The following IL1RL2 variants were observed in gnomAD, a reference collection of about 807,000 sequenced individuals.
IL1RL2 encodes the protein interleukin-1 receptor-like 2.
Under a neutral mutation model 66.8 loss-of-function variants are expected in IL1RL2, and 68 were observed. The ratio of observed to expected loss-of-function variants is 1.02; its 90% confidence interval spans 0.84 to 1.25. The LOEUF is 1.25. Ranked by LOEUF, IL1RL2 falls within the 50% of genes most tolerant of loss-of-function variation. IL1RL2 has a pLI of 0.00. For missense variants in IL1RL2, 729 were observed against 709.3 expected, an observed-to-expected ratio of 1.03 and a Z score of -0.32; for synonymous variants, 305 against 264.6, an observed-to-expected ratio of 1.15 and a Z score of -1.48.
intron 4 of IL1RL2, among the ~76,000 whole-genome samples, chr2:102,193,030 T>C (rs1168249043): frequency 6.6e-6 from 1 of 152,150 alleles, no homozygotes; most frequent in Non-Finnish European, 1.5e-5. Context: ...CCTTCAGTCA[T>C]TATTCATTCT....
intron 5 of IL1RL2, among the ~76,000 whole-genome samples, chr2:102,206,800 G>C (rs747907699): frequency 2.4e-4 from 36 of 152,254 alleles, no homozygotes; most frequent in Non-Finnish European, 4.4e-4. Context: ...AGCCAGGCCT[G>C]TGTCCCTCCC....
At chr2:102,192,488 C>T (rs1039910250) in intron 4 of IL1RL2, among the ~76,000 whole-genome samples, 2 of 152,086 alleles carry the variant, frequency 1.3e-5, no homozygotes, top group African/African-American at 2.4e-5. Context: ...TTCCTGCTAC[C>T]GTTCCATATT....
At chr2:102,232,303 G>A (rs933801301) in intron 9 of IL1RL2, among the ~76,000 whole-genome samples, 3 of 151,974 alleles carry the variant, frequency 2.0e-5, no homozygotes, top group Non-Finnish European at 4.4e-5. Flanking sequence ...AGTAGTGACA[G>A]GGTTTCACCA....
chr2:102,226,827 G>A (rs1029704541), intron 9 of IL1RL2, among the ~76,000 whole-genome samples: 1 of 152,228 alleles, frequency 6.6e-6, no homozygotes, highest in African/African-American at 2.4e-5. Context: ...GAAAGGGACA[G>A]TGATTAAATC....
intron 6 of IL1RL2, 70 bp from the exon 7 acceptor site, chr2:102,218,883 A>G: frequency 7.3e-7 from 1 of 1,378,354 alleles, no homozygotes; most frequent in Non-Finnish European, 1.0e-6. Flanking sequence ...TGCACTTGTA[A>G]TCCAGATGTT....
In IL1RL2 at chr2:102,235,248, T is replaced by G; in HGVS notation, c.1649T>G (p.Leu550Arg). 1 of 1,613,686 alleles carries G rather than the reference T, an allele frequency of 6.2e-7. No individual in the cohort carries two copies. The highest frequency in any genetic ancestry group is 2.2e-5 in the East Asian group (1 of 44,862). ...CGGCCGTTTCCTCCGGTCCAGCTGC[T>G]GCAGCACACACCTTGCTACCGCACC... ...RCRPFPPVQL[L>R]QHTPCYRTAG... The change falls in exon 11 of 12, where the codon CTG becomes CGG. Residue 550 changes from leucine (L) to arginine (R), a missense_variant. By Grantham distance (102) the Leu-to-Arg change is moderately radical. Transcript: ENST00000264257.
intron 9 of IL1RL2, 64 bp from the exon 10 acceptor site, chr2:102,232,899 C>T (rs987065270): frequency 2.4e-4 from 368 of 1,557,176 alleles, no homozygotes; most frequent in Middle Eastern, 8.6e-4. Flanking sequence ...CTCAGGCTTC[C>T]GGTTTATTAA....
intron 9 of IL1RL2, among the ~76,000 whole-genome samples, chr2:102,229,415 C>T (rs1690921684): frequency 6.6e-6 from 1 of 152,194 alleles, no homozygotes; most frequent in South Asian, 2.1e-4. Context: ...ATTTTAGTCA[C>T]AGCAAAAGGA....
At chr2:102,192,205 G>C (rs1440347635) in intron 4 of IL1RL2, 85 bp downstream of exon 4, 1 of 913,608 alleles carries the variant, frequency 1.1e-6, no homozygotes, top group African/African-American at 1.7e-5. Flanking sequence ...ATTTTTTAAG[G>C]CAGAATTGGT....
chr2:102,235,269 G>T lies in IL1RL2; in HGVS notation c.1670G>T (p.Arg557Leu), dbSNP rs145594486. Reference protein sequence around the residue: ...VQLLQHTPCYRTAGPELGSRR... With the variant: ...VQLLQHTPCYLTAGPELGSRR... ...CTGCTGCAGCACACACCTTGCTACC[G>T]CACCGCAGGTGAGCGGGTGGGAGGA... is the stretch of plus-strand genomic sequence containing the variant. The change falls in exon 11 of 12, where the codon CGC becomes CTC. Residue 557 changes from arginine to leucine, a missense_variant. Coordinates refer to ENST00000264257, the MANE Select transcript of IL1RL2 (RefSeq NM_003854.4). 11 of 1,612,422 alleles carry T rather than the reference G, an allele frequency of 6.8e-6. No homozygotes were observed.
chr2:102,209,802 C>G (rs1407009682), intron 5 of IL1RL2, among the ~76,000 whole-genome samples: 1 of 152,042 alleles, frequency 6.6e-6, no homozygotes, highest in Non-Finnish European at 1.5e-5. Context: ...GATAAAATAT[C>G]CAAAAGAGTG....
intron 6 of IL1RL2, among the ~76,000 whole-genome samples, chr2:102,217,356 T>C (rs1019840436): frequency 2.0e-5 from 3 of 152,168 alleles, no homozygotes; most frequent in African/African-American, 7.2e-5. Flanking sequence ...ACAGATTCAA[T>C]GCAATCCCTA....
chr2:102,234,967 G>A lies in IL1RL2; in HGVS notation c.1368G>A (p.Ser456=), dbSNP rs773100823. 13 of 1,614,052 alleles carry A rather than the reference G, an allele frequency of 8.1e-6. No individual in the cohort carries two copies. Among genetic ancestry groups the A allele is most frequent in the Admixed American group, 1.7e-5 (1 of 59,998 alleles). The part of the protein sequence containing the change: ...RRLIVIVVPE[S]LGFGLLKNLS... ...TGATTGTCATTGTGGTCCCCGAATC[G>A]CTGGGCTTTGGCCTGTTGAAGAACC... The change falls in exon 11 of 12, where the codon TCG becomes TCA. Residue 456 remains serine (S), a synonymous_variant. Transcript: ENST00000264257.
At chr2:102,189,017 A>G in intron 2 of IL1RL2, 59 bp from the exon 3 acceptor site, 1 of 1,312,828 alleles carries the variant, frequency 7.6e-7, no homozygotes, top group Non-Finnish European at 1.1e-6. Flanking sequence ...AACTAACAGT[A>G]AATAAAACTG....
At chr2:102,192,557 T>C (rs551602803) in intron 4 of IL1RL2, among the ~76,000 whole-genome samples, 1 of 152,314 alleles carries the variant, frequency 6.6e-6, no homozygotes, top group African/African-American at 2.4e-5. Context: ...GCCCTGTGAT[T>C]ATTCTTGTAT....
rs1360515296 is a variant in IL1RL2, at chr2:102,235,208, C to A, written c.1609C>A (p.Pro537Thr). The A allele has an allele frequency of 1.2e-6, 2 of 1,614,204 alleles. No individual in the cohort carries two copies. Among genetic ancestry groups the A allele is most frequent in the African/African-American group, 2.7e-5 (2 of 75,066 alleles). Residue 537 changes from proline to threonine, a missense_variant, in exon 11 of 12, where the codon CCG becomes ACG. Transcript: ENST00000264257. ...TTGGAAGACAGTGAGATACCACATGCCGCCCAGAAGGTGTCGGCCGTTTCC... is the reference window on the plus strand; with the variant it reads ...TTGGAAGACAGTGAGATACCACATGACGCCCAGAAGGTGTCGGCCGTTTCC... ...KFWKTVRYHM[P>T]PRRCRPFPPV... is the part of the protein sequence containing the mutation.
Position 102,235,611 on chromosome 2 carries a change from C to T in IL1RL2, c.1678+334C>T, listed in dbSNP as rs938878727. On this transcript the variant is annotated intron_variant, in intron 11 of 11. Coordinates refer to ENST00000264257, the MANE Select transcript of IL1RL2 (RefSeq NM_003854.4). ...TTTTAGAAATGGCAGTGGACATGCC[C>T]GGAAGTTTGCCCATGATGTGGCACC... The T allele has an allele frequency of 6.6e-5, 65 of 985,254 alleles. No homozygotes were observed. In the Admixed American group the frequency reaches 2.1e-3, roughly 32 times the overall value. The allele number at this position is 985,254 out of a possible 1,614,324, so 61.0% of individuals were successfully genotyped here. A position where few individuals can be genotyped will look rare whatever the true frequency, so the allele number is the denominator to read the frequency against.
At position 102,239,474 on chromosome 2, in the gene IL1RL2, A is replaced by T. The variant is rs1675144864; in HGVS notation, c.*233A>T. ...TCATGGAGGGTGAGAGCTGGGGGTTATCCCCATGGTCATGGAGGGTGAGGG... is the reference window on the plus strand; with the variant it reads ...TCATGGAGGGTGAGAGCTGGGGGTTTTCCCCATGGTCATGGAGGGTGAGGG... On this transcript the variant is annotated 3_prime_UTR_variant, in exon 12 of 12. Coordinates refer to ENST00000264257, the MANE Select transcript of IL1RL2 (RefSeq NM_003854.4). 1 of 459,562 alleles carries T rather than the reference A, an allele frequency of 2.2e-6. No individual in the cohort carries two copies. Among genetic ancestry groups the T allele is most frequent in the Admixed American group, 3.3e-5 (1 of 29,934 alleles). The allele number at this position is 459,562 out of a possible 1,614,324, so 28.5% of individuals were successfully genotyped here. A position where few individuals can be genotyped will look rare whatever the true frequency, so the allele number is the denominator to read the frequency against.
chr2:102,225,810 T>C (rs1690547722), intron 8 of IL1RL2, 88 bp from the exon 9 acceptor site: 7 of 1,009,660 alleles, frequency 6.9e-6, no homozygotes, highest in East Asian at 3.2e-5. Context: ...GCATTCATAA[T>C]GTGATCTGTA....
Sources: allele counts gnomAD v4.1 joint callset (sites outside exome capture counted in the v4.1 genomes callset), GRCh38; gene constraint gnomAD v4.1.1; transcripts MANE v1.5; gene names NCBI Gene and HGNC (gene_info 2026-07-23, HGNC 2026-07-21).